The following CDH12 variants were observed in gnomAD, a reference collection of about 807,000 sequenced individuals.
The protein encoded by CDH12 is cadherin 12.
Under a neutral mutation model 74.1 loss-of-function variants are expected in CDH12, and 41 were observed. The ratio of observed to expected loss-of-function variants is 0.55; its 90% CI spans 0.43 to 0.72. CDH12 has a LOEUF of 0.72. Among genes scored for constraint, CDH12 ranks in the 30% least tolerant of loss-of-function variants. The probability of loss-of-function intolerance (pLI) is 0.00; values close to 1 mark genes in which losing one functional copy is unlikely to be tolerated. For missense variants in CDH12, 945 were observed against 977.2 expected (o/e 0.97, Z 0.44); for synonymous variants, 399 against 355.0 (o/e 1.12, Z -1.39).
intron 3 of CDH12, among the ~76,000 whole-genome samples, chr5:22,306,334 G>GA (rs910964528): frequency 4.0e-5 from 6 of 150,152 alleles, no homozygotes; most frequent in South Asian, 2.1e-4. Context: ...GTGGTATAAG[G>GA]AAAAAAAATA....
At chr5:22,090,420 C>G (rs960192553) in intron 4 of CDH12, among the ~76,000 whole-genome samples, 1 of 148,336 alleles carries the variant, frequency 6.7e-6, no homozygotes, top group African/African-American at 2.5e-5. Context: ...AATTTCAGAA[C>G]AAGATGTCTT....
intron 5 of CDH12, among the ~76,000 whole-genome samples, chr5:22,076,710 T>C (rs185006511): frequency 6.6e-6 from 1 of 152,298 alleles, no homozygotes; most frequent in African/African-American, 2.4e-5. Context: ...TTTGAGGAAT[T>C]ATATAAGCAG....
chr5:22,464,232 C>A (rs1580676334), intron 2 of CDH12, among the ~76,000 whole-genome samples: 1 of 152,212 alleles, frequency 6.6e-6, no homozygotes, highest in Non-Finnish European at 1.5e-5. Context: ...GAGGCTTCCC[C>A]AGCCACGCAG....
chr5:22,386,304 G>A (rs1741998764), intron 3 of CDH12, among the ~76,000 whole-genome samples: 1 of 152,178 alleles, frequency 6.6e-6, no homozygotes, highest in African/African-American at 2.4e-5. Flanking sequence ...TCCTCTAACA[G>A]TGGGGATTAC....
chr5:22,665,731 T>C (rs1375763601), intron 1 of CDH12, among the ~76,000 whole-genome samples: 1 of 152,190 alleles, frequency 6.6e-6, no homozygotes, highest in African/African-American at 2.4e-5. Context: ...TTACTTTATT[T>C]CATTCATCTT....
At chr5:22,760,195 T>C (rs551916506) in intron 1 of CDH12, among the ~76,000 whole-genome samples, 5 of 152,320 alleles carry the variant, frequency 3.3e-5, no homozygotes, top group African/African-American at 9.6e-5. Context: ...TTCTGAGAAG[T>C]TGACAGCTGA....
intron 3 of CDH12, among the ~76,000 whole-genome samples, chr5:22,387,732 A>G (rs1742059077): frequency 6.6e-6 from 1 of 152,142 alleles, no homozygotes; most frequent in African/African-American, 2.4e-5. Flanking sequence ...AGGAGAATTG[A>G]GAGTTCTTTA....
chr5:22,248,129 G>A (rs949887357), intron 3 of CDH12, among the ~76,000 whole-genome samples: 5 of 151,966 alleles, frequency 3.3e-5, no homozygotes, highest in South Asian at 2.1e-4. Flanking sequence ...GTAAAATCCC[G>A]TCTCTACTAA....
At chr5:21,819,362 T>C (rs1209852084) in intron 8 of CDH12, among the ~76,000 whole-genome samples, 1 of 151,996 alleles carries the variant, frequency 6.6e-6, no homozygotes, top group African/African-American at 2.4e-5. Context: ...AAGGACAAAT[T>C]CCAAAGAAAA....
intron 3 of CDH12, among the ~76,000 whole-genome samples, chr5:22,232,738 C>T (rs1225694256): frequency 6.6e-6 from 1 of 151,170 alleles, no homozygotes; most frequent in African/African-American, 2.4e-5. Context: ...CACTTATAAG[C>T]AGTTTTTAAT....
intron 3 of CDH12, among the ~76,000 whole-genome samples, chr5:22,344,174 T>C (rs903984849): frequency 2.0e-5 from 3 of 152,204 alleles, no homozygotes; most frequent in Admixed American, 6.5e-5. Flanking sequence ...AATTGGGCCT[T>C]AGGTCTTTGA....
intron 5 of CDH12, among the ~76,000 whole-genome samples, chr5:22,066,867 A>T (rs1157427605): frequency 6.6e-6 from 1 of 152,202 alleles, no homozygotes; most frequent in African/African-American, 2.4e-5. Flanking sequence ...GTGGATTATC[A>T]TAAGCTTAGT....
At chr5:22,399,697 C>T (rs1411808853) in intron 3 of CDH12, among the ~76,000 whole-genome samples, 1 of 151,842 alleles carries the variant, frequency 6.6e-6, no homozygotes, top group Admixed American at 6.6e-5. Context: ...TCAATTTCTT[C>T]CCAGACTAAT....
At chr5:22,128,113 C>T (rs560309891) in intron 4 of CDH12, among the ~76,000 whole-genome samples, 2 of 152,144 alleles carry the variant, frequency 1.3e-5, no homozygotes, top group Non-Finnish European at 2.9e-5. Flanking sequence ...TGGATCTTTG[C>T]ATTTATTAGT....
At chr5:22,441,832 T>C (rs115175085) in intron 2 of CDH12, among the ~76,000 whole-genome samples, 2,955 of 152,204 alleles carry the variant, frequency 0.019, 40 homozygotes, top group Non-Finnish European at 0.032. Flanking sequence ...GCCTCTCAAG[T>C]AGCTGGGATT....
chr5:22,445,647 A>G (rs1324173969), intron 2 of CDH12, among the ~76,000 whole-genome samples: 3 of 152,138 alleles, frequency 2.0e-5, no homozygotes, highest in Admixed American at 2.0e-4. Context: ...AATTTCTTTA[A>G]TCATCTCCAA....
At chr5:22,757,639 AT>A (rs1343422890) in intron 1 of CDH12, among the ~76,000 whole-genome samples, 2 of 152,180 alleles carry the variant, frequency 1.3e-5, no homozygotes, top group African/African-American at 4.8e-5. Flanking sequence ...TTAATCCTTC[AT>A]GTGTCTCCAA....
intron 1 of CDH12, among the ~76,000 whole-genome samples, chr5:22,732,191 C>G (rs1021829925): frequency 1.3e-5 from 2 of 151,768 alleles, no homozygotes; most frequent in African/African-American, 2.4e-5. Flanking sequence ...GGTCTGTTTT[C>G]TTGGCTTATA....
At chr5:22,714,007 G>T (rs751552630) in intron 1 of CDH12, among the ~76,000 whole-genome samples, 2 of 152,036 alleles carry the variant, frequency 1.3e-5, no homozygotes, top group Non-Finnish European at 2.9e-5. Context: ...CCTATTTCAC[G>T]TTATGTTGTT....
Sources: gnomAD v4.1 joint callset for allele counts (sites outside exome capture counted in the v4.1 genomes callset) on GRCh38, gnomAD v4.1.1 for gene constraint, MANE v1.5 for transcripts, NCBI Gene and HGNC (gene_info 2026-07-23, HGNC 2026-07-21) for gene names.